CHLSN: variants seen among roughly 807,000 people sequenced by gnomAD.
CHLSN encodes the protein protein cholesin.
At chr7:986,690 G>C in the CHLSN span, 1 of 1,612,576 alleles carries the variant, frequency 6.2e-7, no homozygotes, top group African/African-American at 1.3e-5. Context: ...GCGCAAGATC[G>C]AGGAGGTCCG....
chr7:986,716 C>T, the CHLSN span: 1 of 1,611,954 alleles, frequency 6.2e-7, no homozygotes, highest in Non-Finnish European at 8.5e-7. Flanking sequence ...TTCTGAGGAC[C>T]CTCCTGGAGG....
chr7:1,110,701 A>C, the CHLSN span, among the ~76,000 whole-genome samples: 1 of 152,230 alleles, frequency 6.6e-6, no homozygotes, highest in African/African-American at 2.4e-5. Context: ...CCATAAACAC[A>C]AACAGCCCAA....
the CHLSN span, chr7:1,055,474 CAAAGT>C: frequency 4.4e-6 from 2 of 458,844 alleles, no homozygotes; most frequent in South Asian, 1.6e-5. Context: ...GCTTGGGCCA[CAAAGT>C]AAAGGTGAGA....
At chr7:1,005,298 C>A in the CHLSN span, among the ~76,000 whole-genome samples, 1 of 152,144 alleles carries the variant, frequency 6.6e-6, no homozygotes, top group South Asian at 2.1e-4. Flanking sequence ...TCAAAACAAA[C>A]AAATCAACCC....
chr7:1,054,486 A>G, the CHLSN span, among the ~76,000 whole-genome samples: 1 of 152,182 alleles, frequency 6.6e-6, no homozygotes, highest in Non-Finnish European at 1.5e-5. Context: ...CGCACTCGAG[A>G]GCCGGTTCAG....
At chr7:1,011,165 A>G in the CHLSN span, among the ~76,000 whole-genome samples, 2 of 126,098 alleles carry the variant, frequency 1.6e-5, no homozygotes, top group Non-Finnish European at 3.3e-5. Flanking sequence ...ACACCCACCC[A>G]CACCCACCAT....
the CHLSN span, chr7:986,670 G>T: frequency 6.2e-7 from 1 of 1,612,632 alleles, no homozygotes; most frequent in South Asian, 1.1e-5. Context: ...CAGCTGCACC[G>T]GCCCGTCCTG....
At chr7:1,006,541 G>GACGGCCACAGCGCAGGGAAAGAGCGCACA in the CHLSN span, among the ~76,000 whole-genome samples, 9 of 149,080 alleles carry the variant, frequency 6.0e-5, 1 homozygote, top group Admixed American at 6.7e-5. Flanking sequence ...AAGAGCACAC[G>GACGGCCACAGCGCAGGGAAAGAGCGCACA]ACGGCCACAG....
the CHLSN span, among the ~76,000 whole-genome samples, chr7:1,129,835 A>G: frequency 2.6e-5 from 4 of 152,238 alleles, no homozygotes; most frequent in Non-Finnish European, 4.4e-5. Flanking sequence ...CATGAACACA[A>G]AGCGTTTAAG....
At chr7:1,043,891 A>C in the CHLSN span, 1 of 152,262 alleles carries the variant, frequency 6.6e-6, no homozygotes, top group Non-Finnish European at 1.5e-5. Flanking sequence ...TTTGATTTTC[A>C]GAAATGTTCT....
the CHLSN span, chr7:1,000,449 C>T: frequency 6.5e-7 from 1 of 1,547,160 alleles, no homozygotes; most frequent in South Asian, 1.2e-5. Context: ...AGGAGACGTG[C>T]CTGCCCCGCC....
At chr7:1,113,640 C>T in the CHLSN span, among the ~76,000 whole-genome samples, 70 of 152,272 alleles carry the variant, frequency 4.6e-4, no homozygotes, top group African/African-American at 1.5e-3. Context: ...CCTTCCCGGG[C>T]GGCCCTTACG....
the CHLSN span, among the ~76,000 whole-genome samples, chr7:1,131,124 G>A: frequency 0.074 from 11,087 of 150,786 alleles, 845 homozygotes; most frequent in African/African-American, 0.19. Flanking sequence ...CTGGGAGGTC[G>A]AGGCTGCAGT....
chr7:1,105,671 G>T, the CHLSN span, among the ~76,000 whole-genome samples: 28 of 152,370 alleles, frequency 1.8e-4, no homozygotes, highest in South Asian at 5.0e-3. Context: ...CTGGAAGGCA[G>T]CGGTGTGATC....
chr7:1,017,733 T>TAAGGGGCAGTCGCGGACGGCGGGG, the CHLSN span, among the ~76,000 whole-genome samples: 1 of 151,636 alleles, frequency 6.6e-6, no homozygotes, highest in African/African-American at 2.4e-5. Context: ...GACGGCGGGA[T>TAAGGGGCAGTCGCGGACGGCGGGG]AAGGGGCAGC....
At chr7:1,095,959 G>A in the CHLSN span, among the ~76,000 whole-genome samples, 4 of 152,192 alleles carry the variant, frequency 2.6e-5, no homozygotes, top group Admixed American at 2.0e-4. Context: ...CAGCGGCAGC[G>A]GGGAGGGCTC....
the CHLSN span, among the ~76,000 whole-genome samples, chr7:1,013,306 T>C: frequency 6.6e-6 from 1 of 152,230 alleles, no homozygotes; most frequent in East Asian, 1.9e-4. Context: ...AACTTGACAC[T>C]ATCACATAGA....
At chr7:1,079,317 CCA>C in the CHLSN span, among the ~76,000 whole-genome samples, 1 of 152,218 alleles carries the variant, frequency 6.6e-6, no homozygotes, top group Non-Finnish European at 1.5e-5. Flanking sequence ...CGTCTGCTGT[CCA>C]CCTCCCTATG....
At chr7:1,004,647 C>T in the CHLSN span, among the ~76,000 whole-genome samples, 1 of 152,126 alleles carries the variant, frequency 6.6e-6, no homozygotes, top group Admixed American at 6.5e-5. Flanking sequence ...GTGGGGTGCT[C>T]AGTGTCGCCT....
Sources: gnomAD v4.1 joint callset for allele counts (sites outside exome capture counted in the v4.1 genomes callset) on GRCh38, gnomAD v4.1.1 for gene constraint, MANE v1.5 for transcripts, NCBI Gene and HGNC (gene_info 2026-07-23, HGNC 2026-07-21) for gene names.